MAP2: variants seen among roughly 807,000 people sequenced by gnomAD.
MAP2 encodes the protein microtubule associated protein 2, also known as microtubule-associated protein 2.
In MAP2, 14 loss-of-function variants were observed where a neutral mutation model predicts 137.6. That is an observed-to-expected ratio of 0.10 (90% CI 0.07 to 0.16). The LOEUF is 0.16. MAP2 is among the 10% of genes least tolerant of loss of function. MAP2 has a pLI of 1.00. For synonymous variants in MAP2, 786 were observed against 782.3 expected (o/e 1.00, Z -0.08); for missense variants, 2,088 against 2,191.5 (o/e 0.95, Z 0.94).
chr2:209,627,394 G>A (rs78563799), intron 4 of MAP2, among the ~76,000 whole-genome samples: 1,659 of 152,212 alleles, frequency 0.011, 34 homozygotes, highest in African/African-American at 0.037. Context: ...CGTCAAAGTT[G>A]GGGGAGGAAG....
chr2:209,530,397 G>T (rs963964312), intron 2 of MAP2, among the ~76,000 whole-genome samples: 2 of 152,160 alleles, frequency 1.3e-5, no homozygotes, highest in African/African-American at 4.8e-5. Context: ...GGAGAGAATT[G>T]ATAATGAAGG....
chr2:209,683,431 A>G (rs1413832175), intron 7 of MAP2, among the ~76,000 whole-genome samples: 3 of 152,216 alleles, frequency 2.0e-5, no homozygotes, highest in Non-Finnish European at 4.4e-5. Context: ...TATAAACTCT[A>G]TCTCTATAAA....
intron 1 of MAP2, among the ~76,000 whole-genome samples, chr2:209,471,644 AC>A (rs1329646515): frequency 1.6e-5 from 1 of 64,496 alleles, no homozygotes; most frequent in Non-Finnish European, 3.2e-5. Context: ...CCAACCCCCC[AC>A]CCCCGGCACT....
At chr2:209,506,067 G>T (rs933191322) in intron 1 of MAP2, among the ~76,000 whole-genome samples, 2 of 151,926 alleles carry the variant, frequency 1.3e-5, no homozygotes, top group African/African-American at 4.8e-5. Flanking sequence ...GAGAGTTGTT[G>T]GCTTTATAGC....
At chr2:209,454,488 A>G (rs1222404641) in intron 1 of MAP2, among the ~76,000 whole-genome samples, 2 of 151,814 alleles carry the variant, frequency 1.3e-5, no homozygotes, top group Non-Finnish European at 2.9e-5. Flanking sequence ...GGCACCCACC[A>G]CCATGCCCGG....
At chr2:209,507,774 T>C (rs1242667223) in intron 2 of MAP2, 133 bp downstream of exon 2, 1 of 152,146 alleles carries the variant, frequency 6.6e-6, no homozygotes, top group African/African-American at 2.4e-5. Context: ...AAACTGGATA[T>C]ATTTCGGAGT....
At chr2:209,583,378 T>C (rs1200196823) in intron 3 of MAP2, among the ~76,000 whole-genome samples, 1 of 152,160 alleles carries the variant, frequency 6.6e-6, no homozygotes, top group Non-Finnish European at 1.5e-5. Context: ...CATGTAATTA[T>C]AGTGAAATGT....
At chr2:209,513,100 A>C (rs1249772889) in intron 2 of MAP2, among the ~76,000 whole-genome samples, 1 of 152,170 alleles carries the variant, frequency 6.6e-6, no homozygotes, top group East Asian at 1.9e-4. Context: ...AAGTGTAGAA[A>C]ATGCTAATAC....
At chr2:209,511,890 CA>C (rs2061773776) in intron 2 of MAP2, among the ~76,000 whole-genome samples, 1 of 151,998 alleles carries the variant, frequency 6.6e-6, no homozygotes, top group South Asian at 2.1e-4. Context: ...ATGACTGAAT[CA>C]TTAATATTTA....
chr2:209,685,160 C>T (rs189723495), intron 7 of MAP2, among the ~76,000 whole-genome samples: 15 of 152,200 alleles, frequency 9.9e-5, no homozygotes, highest in Middle Eastern at 3.4e-3. Context: ...TCTGCAATCA[C>T]GGTTGCACTA....
intron 2 of MAP2, among the ~76,000 whole-genome samples, chr2:209,571,496 CA>C (rs2074391884): frequency 6.6e-6 from 1 of 151,818 alleles, no homozygotes; most frequent in South Asian, 2.1e-4. Flanking sequence ...AACAGTTTTC[CA>C]AAGTGGTTGT....
At chr2:209,583,208 A>G (rs1171999635) in intron 3 of MAP2, among the ~76,000 whole-genome samples, 2 of 148,820 alleles carry the variant, frequency 1.3e-5, no homozygotes, top group African/African-American at 5.1e-5. Flanking sequence ...CTATCTATTT[A>G]TCTATGGTAG....
At chr2:209,655,025 A>C (rs1370667747) in intron 5 of MAP2, among the ~76,000 whole-genome samples, 1 of 152,226 alleles carries the variant, frequency 6.6e-6, no homozygotes, top group African/African-American at 2.4e-5. Flanking sequence ...CATGCAGTAA[A>C]AACCAACACC....
chr2:209,630,077 A>G (rs1474129072), intron 4 of MAP2, among the ~76,000 whole-genome samples: 3 of 152,198 alleles, frequency 2.0e-5, no homozygotes, highest in African/African-American at 4.8e-5. Context: ...AATGCTTAGA[A>G]TTTTTAAAAA....
chr2:209,683,602 A>G (rs961312110), intron 7 of MAP2, among the ~76,000 whole-genome samples: 1 of 152,206 alleles, frequency 6.6e-6, no homozygotes, highest in African/African-American at 2.4e-5. Context: ...ACAGGATTGA[A>G]CTGTTCAATT....
chr2:209,692,743 C>A lies in MAP2; in HGVS notation c.573C>A (p.Asp191Glu). The part of the protein sequence containing the change: ...ESEKQSKPGE[D>E]LKHAALVSQP... ...AGAAGCAAAGTAAGCCTGGTGAAGACCTTAAACATGCTGCCTTAGTTTCTC... is the reference window on the plus strand; with the variant it reads ...AGAAGCAAAGTAAGCCTGGTGAAGAACTTAAACATGCTGCCTTAGTTTCTC... The change falls in exon 8 of 16, where the codon GAC (aspartate) becomes GAA (glutamate). Residue 191 changes from aspartate (D) to glutamate (E), a missense_variant. Asp to Glu is a conservative substitution (Grantham distance 45, BLOSUM62 2). This residue lies in a region of MAP2 where 859 missense variants were observed against 794.5 expected (regional missense o/e 1.08). Transcript: ENST00000682079. 1 of 1,614,086 alleles carries A rather than the reference C, an allele frequency of 6.2e-7. No homozygotes were observed. Among genetic ancestry groups the A allele is most frequent in the Non-Finnish European group, 8.5e-7 (1 of 1,179,986 alleles).
intron 2 of MAP2, among the ~76,000 whole-genome samples, chr2:209,510,226 T>C (rs1056016592): frequency 1.9e-4 from 29 of 152,020 alleles, no homozygotes; most frequent in African/African-American, 7.0e-4. Flanking sequence ...TTTTGTGGTT[T>C]GTTTTCACAA....
At chr2:209,562,424 C>T (rs115723448) in intron 2 of MAP2, among the ~76,000 whole-genome samples, 2,900 of 151,636 alleles carry the variant, frequency 0.019, 93 homozygotes, top group African/African-American at 0.067. Flanking sequence ...AGGTTAGGCA[C>T]GCTGGCTTAC....
intron 3 of MAP2, among the ~76,000 whole-genome samples, chr2:209,580,718 C>G (rs915904213): frequency 4.6e-5 from 7 of 152,184 alleles, no homozygotes; most frequent in African/African-American, 1.7e-4. Context: ...AATCCTTCAT[C>G]TTGCCATGAA....
Sources: gnomAD v4.1 joint callset for allele counts (sites outside exome capture counted in the v4.1 genomes callset) on GRCh38, gnomAD v4.1.1 for gene constraint, gnomAD v4.1.1 regional missense constraint, MANE v1.5 for transcripts, NCBI Gene and HGNC (gene_info 2026-07-23, HGNC 2026-07-21) for gene names.